Variants in STARD13 observed in about 807,000 individuals in gnomAD.
The protein encoded by STARD13 is StAR related lipid transfer domain containing 13, also known as stAR-related lipid transfer protein 13.
STARD13 carries 62 observed loss-of-function variants against 106.4 expected under a neutral mutation model. That is an observed-to-expected ratio of 0.58 (90% CI 0.48 to 0.72). The LOEUF is 0.72. STARD13 is among the 30% of genes least tolerant of loss of function. The pLI, the probability that STARD13 is intolerant of heterozygous loss-of-function variation, is 0.00. For synonymous variants in STARD13, 565 were observed against 553.0 expected, an observed-to-expected ratio of 1.02 and a Z score of -0.31; for missense variants, 1,387 against 1,424.0, an observed-to-expected ratio of 0.97 and a Z score of 0.42.
chr13:33,312,476 C>A (rs770878041), intron 1 of STARD13, among the ~76,000 whole-genome samples: 1 of 152,160 alleles, frequency 6.6e-6, no homozygotes, highest in East Asian at 1.9e-4. Flanking sequence ...ACCCCACCCC[C>A]ATCCTCTCAT....
intron 3 of STARD13, among the ~76,000 whole-genome samples, chr13:33,148,842 T>C (rs1880889694): frequency 6.6e-6 from 1 of 152,230 alleles, no homozygotes; most frequent in African/African-American, 2.4e-5. Context: ...ATGGATAAAC[T>C]GTGGTCCATG....
chr13:33,191,063 G>A (rs1459052669), intron 1 of STARD13, among the ~76,000 whole-genome samples: 1 of 152,118 alleles, frequency 6.6e-6, no homozygotes, highest in Non-Finnish European at 1.5e-5. Context: ...AATTTACAAG[G>A]TATGTTTATT....
At chr13:33,268,457 G>A (rs1891009636) in intron 1 of STARD13, among the ~76,000 whole-genome samples, 2 of 152,200 alleles carry the variant, frequency 1.3e-5, no homozygotes, top group African/African-American at 4.8e-5. Context: ...CACACACTGA[G>A]CCCTGAGTAA....
chr13:33,239,292 T>A (rs1206956660), intron 1 of STARD13, among the ~76,000 whole-genome samples: 2 of 152,216 alleles, frequency 1.3e-5, no homozygotes, highest in East Asian at 3.8e-4. Flanking sequence ...AATGGACATT[T>A]AGGTTGCTTT....
the STARD13 span, among the ~76,000 whole-genome samples, chr13:33,541,869 A>T: frequency 6.6e-6 from 1 of 152,252 alleles, no homozygotes; most frequent in Admixed American, 6.5e-5. Flanking sequence ...TCCTTGCAGC[A>T]TCTAAAAACA....
At chr13:33,336,540 GC>G (rs2138577396) in intron 1 of STARD13, 1 of 152,278 alleles carries the variant, frequency 6.6e-6, no homozygotes, top group Non-Finnish European at 1.5e-5. Context: ...GATTGCTTGA[GC>G]CGGAGAGTTT....
chr13:33,106,824 T>C lies in STARD13; in HGVS notation c.3158A>G (p.Gln1053Arg), dbSNP rs754069436. The change falls in exon 13 of 14, where the codon CAG (glutamine) becomes CGG (arginine). Residue 1053 changes from glutamine (Q) to arginine (R), a missense_variant. Physicochemically the swap from Gln to Arg is conservative, Grantham distance 43. Transcript: ENST00000336934. ...GGVRAVVMDS[Q>R]YLIEPCGSGK... ...AGAGCCACACGGTTCTATCAAGTAC[T>C]GCGAGTCCATCACCACTGCTCGCAC... 3.3e-5 allele frequency: 54 copies of C among 1,614,184 alleles called. No homozygotes were observed. The South Asian group carries it at 5.4e-4, about 16-fold the overall frequency.
rs142384991 is a variant in STARD13 at position 33,301,360 on chromosome 13, C to T, written c.124+48930G>A. Among the ~76,000 whole-genome samples, 276 of 152,296 alleles carry T rather than the reference C, an allele frequency of 1.8e-3. 1 individual carries two copies. Among genetic ancestry groups the T allele is most frequent in the Non-Finnish European group, 2.9e-3 (196 of 68,030 alleles). On this transcript the variant is annotated intron_variant, in intron 1 of 5. Coordinates refer to the STARD13 transcript ENST00000567873. ...ACTTTATTCCTCTTCCTCCATGCTG[C>T]CTCCTGTCTTCTCTCTCTTCTTCTG...
chr13:33,234,294 A>T (rs563709719), intron 1 of STARD13, among the ~76,000 whole-genome samples: 8 of 152,216 alleles, frequency 5.3e-5, no homozygotes, highest in African/African-American at 1.9e-4. Flanking sequence ...AGTGACTTTG[A>T]ATTTTGTTCT....
intron 1 of STARD13, among the ~76,000 whole-genome samples, chr13:33,240,231 C>T (rs1889401045): frequency 6.6e-6 from 1 of 152,096 alleles, no homozygotes; most frequent in Non-Finnish European, 1.5e-5. Context: ...CTATTCTGTT[C>T]CATTGTTCCA....
chr13:33,555,224 G>A, the STARD13 span, among the ~76,000 whole-genome samples: 1 of 152,302 alleles, frequency 6.6e-6, no homozygotes, highest in Non-Finnish European at 1.5e-5. Context: ...TCACATCAGA[G>A]ACCTTAAGCC....
chr13:33,271,539 T>C (rs1891160600), intron 1 of STARD13: 1 of 152,240 alleles, frequency 6.6e-6, no homozygotes, highest in Non-Finnish European at 1.5e-5. Flanking sequence ...GACTCCATAC[T>C]TTCTGTGACG....
At chr13:33,356,047 T>A in the STARD13 span, among the ~76,000 whole-genome samples, 6 of 152,242 alleles carry the variant, frequency 3.9e-5, no homozygotes, top group Admixed American at 1.3e-4. Flanking sequence ...CATATCATGG[T>A]CATCAACTTT....
At chr13:33,350,703 G>T (rs940155997), upstream of STARD13, 2 of 1,101,708 alleles carry the variant, frequency 1.8e-6, no homozygotes, top group Non-Finnish European at 2.2e-6. Context: ...TCCGTTGGGC[G>T]CTCCTCCACT....
chr13:33,159,034 G>C (rs537163369), intron 3 of STARD13, among the ~76,000 whole-genome samples: 1 of 152,276 alleles, frequency 6.6e-6, no homozygotes, highest in South Asian at 2.1e-4. Flanking sequence ...AGACATAGCT[G>C]CCATAAGAAT....
chr13:33,280,410 A>G (rs182803055), intron 1 of STARD13: 22 of 152,186 alleles, frequency 1.4e-4, no homozygotes, highest in Admixed American at 1.2e-3. Flanking sequence ...AACTTTCACT[A>G]CTTTCTCGGT....
At chr13:33,673,432 C>T in the STARD13 span, among the ~76,000 whole-genome samples, 1 of 151,892 alleles carries the variant, frequency 6.6e-6, no homozygotes, top group South Asian at 2.1e-4. Flanking sequence ...TAAGTGTTGA[C>T]ACCAGGCATA....
chr13:33,586,942 G>A, the STARD13 span, among the ~76,000 whole-genome samples: 3 of 152,254 alleles, frequency 2.0e-5, no homozygotes, highest in African/African-American at 4.8e-5. Flanking sequence ...GGCCGAGCAC[G>A]GTGGCTCACG....
the STARD13 span, among the ~76,000 whole-genome samples, chr13:33,435,495 C>T: frequency 6.6e-6 from 1 of 152,112 alleles, no homozygotes; most frequent in Admixed American, 6.5e-5. Flanking sequence ...AACTAAGGTT[C>T]TTCTTGGCAC....
Sources: allele counts gnomAD v4.1 joint callset (sites outside exome capture counted in the v4.1 genomes callset), GRCh38; gene constraint gnomAD v4.1.1; transcripts MANE v1.5; gene names NCBI Gene and HGNC (gene_info 2026-07-23, HGNC 2026-07-21).